Variants in EHD4 observed in about 807,000 individuals in gnomAD.
EHD4 encodes EH domain-containing protein 4.
In EHD4, 37 loss-of-function variants were observed where a neutral mutation model predicts 51.0. The ratio of observed to expected loss-of-function variants is 0.73; its 90% CI spans 0.56 to 0.95. The LOEUF (loss-of-function observed/expected upper bound fraction) is 0.95, where lower values mean the gene tolerates loss of function less well. EHD4 is among the 40% of genes least tolerant of loss of function. EHD4 has a pLI of 0.00. For synonymous variants in EHD4, 297 were observed against 317.3 expected (o/e 0.94, Z 0.68); for missense variants, 632 against 733.1 (o/e 0.86, Z 1.59).
chr15:41,931,583 A>T (rs55809667), intron 3 of EHD4, among the ~76,000 whole-genome samples: 62,711 of 152,080 alleles, frequency 0.41, 13,898 homozygotes, highest in African/African-American at 0.58. Context: ...TATGCATTCA[A>T]TGTGAAATGG....
At chr15:41,955,809 T>C (rs2067883835) in intron 1 of EHD4, among the ~76,000 whole-genome samples, 1 of 152,286 alleles carries the variant, frequency 6.6e-6, no homozygotes, top group South Asian at 2.1e-4. Context: ...GTGGACTCCA[T>C]ATACCCATGG....
chr15:41,937,170 A>C (rs997285078), intron 3 of EHD4, among the ~76,000 whole-genome samples: 1 of 152,186 alleles, frequency 6.6e-6, no homozygotes, highest in Non-Finnish European at 1.5e-5. Context: ...CCTACCCCTC[A>C]GTATTCCATG....
chr15:41,947,274 T>C (rs2067821405), intron 2 of EHD4, among the ~76,000 whole-genome samples: 1 of 152,196 alleles, frequency 6.6e-6, no homozygotes, highest in South Asian at 2.1e-4. Context: ...CCTAAGAGGC[T>C]TCCTTGTGTG....
intron 3 of EHD4, among the ~76,000 whole-genome samples, chr15:41,921,205 C>A (rs1378206218): frequency 6.6e-6 from 1 of 152,196 alleles, no homozygotes; most frequent in African/African-American, 2.4e-5. Flanking sequence ...GTTTATGCCG[C>A]CACACGCGTG....
intron 1 of EHD4, among the ~76,000 whole-genome samples, chr15:41,961,199 C>T (rs1352980571): frequency 1.3e-5 from 2 of 152,170 alleles, no homozygotes; most frequent in Non-Finnish European, 2.9e-5. Context: ...ATTTATACTC[C>T]TCAGGGCTGA....
intron 2 of EHD4, among the ~76,000 whole-genome samples, chr15:41,951,366 G>C (rs2067851371): frequency 6.6e-6 from 1 of 152,094 alleles, no homozygotes; most frequent in Non-Finnish European, 1.5e-5. Context: ...ATTATTTTCA[G>C]CAAGTTTTAA....
At position 41,953,851 on chromosome 15, in the gene EHD4, T is replaced by C; in HGVS notation, c.326A>G (p.Glu109Gly). 6.2e-7 allele frequency: 1 copy of C among 1,614,102 alleles called. No individual in the cohort carries two copies. The highest frequency in any genetic ancestry group is 8.5e-7 in the Non-Finnish European group (1 of 1,180,008). ...SFIAVMYGET[E>G]GSTPGNALVV... Reference sequence around the variant, plus strand: ...TAAAGCATTCCCTGGGGTGCTGCCCTCAGTCTCTCCATACATCACGGCGAT... The same window carrying C: ...TAAAGCATTCCCTGGGGTGCTGCCCCCAGTCTCTCCATACATCACGGCGAT... Residue 109 changes from glutamate to glycine, a missense_variant, in exon 2 of 6, where the codon GAG becomes GGG. Transcript: ENST00000220325.
chr15:41,962,032 C>T (rs1325949323), intron 1 of EHD4, among the ~76,000 whole-genome samples: 1 of 152,098 alleles, frequency 6.6e-6, no homozygotes, highest in East Asian at 1.9e-4. Flanking sequence ...AATAAAAAGC[C>T]CATTCATAAG....
chr15:41,968,005 G>C (rs183870820), intron 1 of EHD4, among the ~76,000 whole-genome samples: 1 of 152,272 alleles, frequency 6.6e-6, no homozygotes, highest in East Asian at 1.9e-4. Flanking sequence ...GCCATCTCTG[G>C]GGCATTTTCT....
chr15:41,970,436 G>GA (rs1477753111), intron 1 of EHD4, among the ~76,000 whole-genome samples: 24 of 152,218 alleles, frequency 1.6e-4, no homozygotes, highest in Non-Finnish European at 1.0e-4. Flanking sequence ...TCAAATCTCA[G>GA]AACCCTTCAT....
intron 3 of EHD4, among the ~76,000 whole-genome samples, chr15:41,937,668 T>C (rs2067740972): frequency 6.6e-6 from 1 of 152,252 alleles, no homozygotes; most frequent in Non-Finnish European, 1.5e-5. Context: ...TCTGGACATC[T>C]CTAAGTGTTC....
chr15:41,916,259 G>T (rs1191963316), intron 4 of EHD4, among the ~76,000 whole-genome samples: 3 of 152,210 alleles, frequency 2.0e-5, no homozygotes, highest in Non-Finnish European at 4.4e-5. Context: ...ACACAGGGAG[G>T]AGGTACTGTA....
intron 3 of EHD4, among the ~76,000 whole-genome samples, chr15:41,930,496 A>C (rs759279620): frequency 4.6e-5 from 7 of 152,318 alleles, no homozygotes; most frequent in Non-Finnish European, 8.8e-5. Context: ...GGCAAAGGTA[A>C]TGTTTCTTCA....
chr15:41,909,686 G>A lies in EHD4; in HGVS notation c.1089+13C>T. ...TGCCCTCTGCCCGTGACATTGTAGTGGGCTCCCAGTACCTGCATAGCCTTG... is the reference window on the plus strand; with the variant it reads ...TGCCCTCTGCCCGTGACATTGTAGTAGGCTCCCAGTACCTGCATAGCCTTG... On this transcript the variant is annotated intron_variant, in intron 5 of 5. Coordinates refer to ENST00000220325, the MANE Select transcript of EHD4 (RefSeq NM_139265.4). The A allele has an allele frequency of 6.2e-7, 1 of 1,613,938 alleles. No individual in the cohort carries two copies. Among genetic ancestry groups the A allele is most frequent in the African/African-American group, 1.3e-5 (1 of 75,032 alleles).
intron 3 of EHD4, among the ~76,000 whole-genome samples, chr15:41,938,427 G>T (rs1243381450): frequency 6.6e-6 from 1 of 152,216 alleles, no homozygotes; most frequent in Non-Finnish European, 1.5e-5. Context: ...AGTGCAGTTA[G>T]ATCCTCCCGG....
chr15:41,954,089 T>G, intron 1 of EHD4, 149 bp from the exon 2 acceptor site: 1 of 863,860 alleles, frequency 1.2e-6, no homozygotes, highest in Non-Finnish European at 1.8e-6. Flanking sequence ...TCCTCTGCAT[T>G]TCTGTTGATG....
intron 1 of EHD4, among the ~76,000 whole-genome samples, chr15:41,967,708 G>A (rs1050696972): frequency 6.6e-6 from 1 of 152,134 alleles, no homozygotes; most frequent in Admixed American, 6.5e-5. Context: ...TAATTACTGA[G>A]TCTAGAAACT....
chr15:41,939,682 C>T (rs1220528071), intron 3 of EHD4, among the ~76,000 whole-genome samples: 1 of 151,890 alleles, frequency 6.6e-6, no homozygotes, highest in African/African-American at 2.4e-5. Flanking sequence ...CACCTGTAGT[C>T]CCAGCTACTC....
At chr15:41,958,499 T>A (rs1267550261) in intron 1 of EHD4, among the ~76,000 whole-genome samples, 1 of 152,126 alleles carries the variant, frequency 6.6e-6, no homozygotes, top group Non-Finnish European at 1.5e-5. Context: ...ATGGATGGTG[T>A]CTTCTTTTTT....
Sources: allele counts gnomAD v4.1 joint callset (sites outside exome capture counted in the v4.1 genomes callset), GRCh38; gene constraint gnomAD v4.1.1; transcripts MANE v1.5; gene names NCBI Gene and HGNC (gene_info 2026-07-23, HGNC 2026-07-21).